Variants in SLC7A2 observed in about 807,000 individuals in gnomAD.
SLC7A2 encodes the protein solute carrier family 7 member 2, also known as cationic amino acid transporter 2.
Under a neutral mutation model 58.9 loss-of-function variants are expected in SLC7A2, and 48 were observed. The ratio of observed to expected loss-of-function variants is 0.82; its 90% CI spans 0.65 to 1.04. SLC7A2 has a LOEUF of 1.04. Among genes scored for constraint, SLC7A2 ranks in the 50% least tolerant of loss-of-function variants. The probability of loss-of-function intolerance (pLI) is 0.00; values close to 1 mark genes in which losing one functional copy is unlikely to be tolerated. For synonymous variants in SLC7A2, 363 were observed against 314.5 expected, an observed-to-expected ratio of 1.15 and a Z score of -1.63; for missense variants, 1,029 against 818.8, an observed-to-expected ratio of 1.26 and a Z score of -3.13.
intron 2 of SLC7A2, among the ~76,000 whole-genome samples, chr8:17,532,512 A>G (rs1394784862): frequency 1.3e-5 from 2 of 151,920 alleles, no homozygotes; most frequent in African/African-American, 4.8e-5. Context: ...CCTTTAGATT[A>G]TTTTTTTGCT....
chr8:17,510,013 A>C (rs1467487312), intron 2 of SLC7A2, among the ~76,000 whole-genome samples: 1 of 152,058 alleles, frequency 6.6e-6, no homozygotes, highest in African/African-American at 2.4e-5. Flanking sequence ...TGAGATCAGG[A>C]GTTTGAGACC....
At chr8:17,520,072 G>C (rs1454658860) in intron 2 of SLC7A2, among the ~76,000 whole-genome samples, 1 of 152,160 alleles carries the variant, frequency 6.6e-6, no homozygotes, top group Non-Finnish European at 1.5e-5. Context: ...AGTTAGTTTT[G>C]AATGCTGTTT....
intron 4 of SLC7A2, 22 bp downstream of exon 4, chr8:17,544,628 C>T: frequency 6.2e-7 from 1 of 1,609,186 alleles, no homozygotes; most frequent in Non-Finnish European, 8.5e-7. Context: ...AGTTATGAGT[C>T]TCTGCAGAAT....
chr8:17,503,783 A>T (rs1800261618), intron 2 of SLC7A2, among the ~76,000 whole-genome samples: 1 of 152,218 alleles, frequency 6.6e-6, no homozygotes, highest in African/African-American at 2.4e-5. Context: ...TTTAATGATC[A>T]TATGAAACAA....
chr8:17,546,165 G>C (rs899001299), intron 4 of SLC7A2, among the ~76,000 whole-genome samples: 1 of 152,004 alleles, frequency 6.6e-6, no homozygotes, highest in African/African-American at 2.4e-5. Flanking sequence ...TTTTATTTAG[G>C]GATCATTTTA....
At chr8:17,548,062 G>A (rs1245575333) in intron 4 of SLC7A2, among the ~76,000 whole-genome samples, 1 of 152,156 alleles carries the variant, frequency 6.6e-6, no homozygotes, top group Non-Finnish European at 1.5e-5. Flanking sequence ...AACTGGGCCG[G>A]GCATTGTGGC....
At chr8:17,522,358 T>G (rs912335592) in intron 2 of SLC7A2, among the ~76,000 whole-genome samples, 1 of 152,100 alleles carries the variant, frequency 6.6e-6, no homozygotes, top group Non-Finnish European at 1.5e-5. Flanking sequence ...ACATAGGAAT[T>G]ATGGGAGCTA....
intron 3 of SLC7A2, 124 bp downstream of exon 3, chr8:17,543,839 C>T: frequency 1.2e-6 from 1 of 839,906 alleles, no homozygotes; most frequent in Non-Finnish European, 1.7e-6. Flanking sequence ...TCATTTTTGT[C>T]ATCTCGAAAA....
chr8:17,551,048 G>C (rs545722513), intron 6 of SLC7A2, among the ~76,000 whole-genome samples: 1 of 152,152 alleles, frequency 6.6e-6, no homozygotes, highest in Non-Finnish European at 1.5e-5. Flanking sequence ...CTGAAGCCTT[G>C]ATACTTAAGG....
rs761425528 is a variant in SLC7A2, at chr8:17,544,559, C to G, written c.485C>G (p.Ala162Gly). 1.2e-6 allele frequency: 2 copies of G among 1,613,960 alleles called. No homozygotes were observed. Among genetic ancestry groups the G allele is most frequent in the Admixed American group, 3.3e-5 (2 of 60,010 alleles). Residue 162 changes from alanine (A) to glycine (G), a missense_variant, in exon 4 of 13, where the codon GCA becomes GGA. Ala to Gly is a moderately conservative substitution (Grantham distance 60, BLOSUM62 0). Coordinates refer to ENST00000494857, the MANE Select transcript of SLC7A2 (RefSeq NM_001370338.1). The stretch of plus-strand genomic sequence containing the variant: ...TTCAGAATGAATTACACTGGTCTTG[C>G]AGAATATCCCGATTTTTTTGCTGTG... Reference protein sequence around the residue: ...TYFRMNYTGLAEYPDFFAVCL... With the variant: ...TYFRMNYTGLGEYPDFFAVCL...
intron 3 of SLC7A2, among the ~76,000 whole-genome samples, chr8:17,544,206 G>A (rs1802056925): frequency 6.6e-6 from 1 of 152,134 alleles, no homozygotes; most frequent in Admixed American, 6.5e-5. Context: ...CTCTGACTAT[G>A]CCTTTTAGTG....
rs530555765 is a variant in SLC7A2, at chr8:17,549,156, C to T, written c.698+313C>T. ...CAAGAACAGCACAGGAAAGACCTGC[C>T]CCCATGATTCAACCACCTCCCACTG... On this transcript the variant is annotated intron_variant, in intron 5 of 12. Transcript: ENST00000494857. 2.6e-5 allele frequency among the ~76,000 whole-genome samples: 4 copies of T among 152,282 alleles called. No homozygotes were observed. In the East Asian group the frequency reaches 7.7e-4, roughly 29 times the overall value.
intron 1 of SLC7A2, chr8:17,499,139 A>G (rs1213581133): frequency 2.6e-5 from 4 of 151,654 alleles, no homozygotes; most frequent in African/African-American, 7.3e-5. Flanking sequence ...TTATGGCCAG[A>G]CCCGGAGTCC....
intron 4 of SLC7A2, among the ~76,000 whole-genome samples, chr8:17,546,713 T>G (rs1469072576): frequency 6.6e-6 from 1 of 152,158 alleles, no homozygotes; most frequent in Non-Finnish European, 1.5e-5. Flanking sequence ...AGAAATAAAA[T>G]TCAAGTTCTT....
At chr8:17,525,735 G>A (rs1331977482) in intron 2 of SLC7A2, among the ~76,000 whole-genome samples, 1 of 152,230 alleles carries the variant, frequency 6.6e-6, no homozygotes, top group Non-Finnish European at 1.5e-5. Context: ...AGAGGTAGAT[G>A]ATGAAATACT....
In SLC7A2 at chr8:17,567,298, T is replaced by C. The variant is rs1483147652; in HGVS notation, c.*2152T>C. On this transcript the variant is annotated 3_prime_UTR_variant, in exon 13 of 13. Transcript: ENST00000494857. ...CCCTTCACACAGGAAATGTGAACAA[T>C]TGTTATATATGAACACTCAAATCTT... 6.6e-6 allele frequency: 1 copy of C among 152,406 alleles called. No homozygotes were observed. The highest frequency in any genetic ancestry group is 1.5e-5 in the Non-Finnish European group (1 of 68,028). 9.4% of individuals were successfully genotyped at this position (152,406 alleles called of 1,614,324 possible). A position where few individuals can be genotyped will look rare whatever the true frequency, so the allele number is the denominator to read the frequency against.
chr8:17,540,123 C>T (rs1471029804), intron 2 of SLC7A2, among the ~76,000 whole-genome samples: 1 of 152,152 alleles, frequency 6.6e-6, no homozygotes, highest in Non-Finnish European at 1.5e-5. Flanking sequence ...ATCTGCTAAG[C>T]ACTGCATGAT....
At chr8:17,544,745 G>C in intron 4 of SLC7A2, 139 bp downstream of exon 4, 1 of 705,992 alleles carries the variant, frequency 1.4e-6, no homozygotes, top group Non-Finnish European at 2.3e-6. Flanking sequence ...TTAGACATCT[G>C]TGGGGTTTAT....
At chr8:17,554,942 C>G (rs370515423) in intron 8 of SLC7A2, 11 of 1,613,386 alleles carry the variant, frequency 6.8e-6, no homozygotes, top group South Asian at 1.1e-5. Context: ...TTTTTCTGTT[C>G]TAGTCTTCTG....
Sources: gnomAD v4.1 joint callset for allele counts (sites outside exome capture counted in the v4.1 genomes callset) on GRCh38, gnomAD v4.1.1 for gene constraint, MANE v1.5 for transcripts, NCBI Gene and HGNC (gene_info 2026-07-23, HGNC 2026-07-21) for gene names.